DOK7: variants seen among roughly 807,000 people sequenced by gnomAD.
DOK7 encodes the protein docking protein 7, also known as protein Dok-7.
Under a neutral mutation model 30.7 loss-of-function variants are expected in DOK7, and 32 were observed. The observed-to-expected ratio is 1.04, with a 90% CI of 0.79 to 1.40. DOK7 has a LOEUF of 1.40. DOK7 is among the 40% of genes most tolerant of loss of function. The probability of loss-of-function intolerance (pLI) is 0.00; values close to 1 mark genes in which losing one functional copy is unlikely to be tolerated. For missense variants in DOK7, 1,007 were observed against 699.2 expected (o/e 1.44, Z -4.97); for synonymous variants, 447 against 324.1 (o/e 1.38, Z -4.07).
Position 3,494,065 on chromosome 4 carries a change from G to A in DOK7, c.*564G>A, listed in dbSNP as rs1577186025. ...GAAACTGAAGCTCAGGAGGCTGTGTGGCTTGCGGGGTCTCTGGGTTCTGGG... is the reference window on the plus strand; with the variant it reads ...GAAACTGAAGCTCAGGAGGCTGTGTAGCTTGCGGGGTCTCTGGGTTCTGGG... On this transcript the variant is annotated 3_prime_UTR_variant, in exon 7 of 7. Transcript: ENST00000340083. 1.0e-6 allele frequency: 1 copy of A among 987,080 alleles called. No homozygotes were observed. The highest frequency in any genetic ancestry group is 4.7e-5 in the South Asian group (1 of 21,354). 61.1% of individuals were successfully genotyped at this position (987,080 alleles called of 1,614,324 possible).
intron 3 of DOK7, among the ~76,000 whole-genome samples, chr4:3,476,003 G>A (rs887667816): frequency 6.6e-6 from 1 of 151,926 alleles, no homozygotes; most frequent in Non-Finnish European, 1.5e-5. Flanking sequence ...TCCTGCCGTC[G>A]CTGCCTCCCC....
chr4:3,493,238 C>T lies in DOK7; in HGVS notation c.1252C>T (p.His418Tyr), dbSNP rs776160407. 8 of 1,611,936 alleles carry T rather than the reference C, an allele frequency of 5.0e-6. No individual in the cohort carries two copies. The highest frequency in any genetic ancestry group is 4.2e-6 in the Non-Finnish European group (5 of 1,179,684). Residue 418 changes from histidine to tyrosine, a missense_variant, in exon 7 of 7, where the codon CAC (histidine) becomes TAC (tyrosine). Coordinates refer to ENST00000340083, the MANE Select transcript of DOK7 (RefSeq NM_173660.5). ...PRSLCLAPRD[H>Y]SPPSQGSPGN... ...CAGCCTTTGCCTGGCTCCTAGAGAC[C>T]ACAGCCCCCCCTCACAGGGCAGCCC...
intron 4 of DOK7, among the ~76,000 whole-genome samples, chr4:3,482,852 G>A (rs150605012): frequency 1.1e-4 from 16 of 152,182 alleles, no homozygotes; most frequent in South Asian, 2.1e-4. Flanking sequence ...GACCACAGAC[G>A]GCTTGTGCTC....
intron 6 of DOK7, among the ~76,000 whole-genome samples, chr4:3,490,110 CCATTCATTCCTTTTCTCCCTGCTCATT>C (rs1728134761): frequency 1.9e-5 from 1 of 52,736 alleles, no homozygotes; most frequent in Admixed American, 2.5e-4. Flanking sequence ...TTCTTCACCC[CCATTCATTCCTTTTCTCCCTGCTCATT>C]CATTCCTTCC....
downstream of DOK7, chr4:3,496,993 G>A: frequency 3.2e-6 from 3 of 941,334 alleles, no homozygotes; most frequent in Non-Finnish European, 4.7e-6. Flanking sequence ...AGCAGGGAAT[G>A]TGGGCAATGT....
intron 6 of DOK7, among the ~76,000 whole-genome samples, chr4:3,492,112 C>T (rs974385315): frequency 5.3e-5 from 8 of 152,186 alleles, no homozygotes; most frequent in African/African-American, 1.9e-4. Flanking sequence ...AGAGACGCAG[C>T]AGAGATGAAA....
At chr4:3,464,931 T>A (rs550915558) in intron 2 of DOK7, among the ~76,000 whole-genome samples, 47 of 152,246 alleles carry the variant, frequency 3.1e-4, no homozygotes, top group African/African-American at 9.9e-4. Context: ...ACATGGTGGC[T>A]CCCGAGCGTC....
chr4:3,486,770 G>A (rs993596957), intron 5 of DOK7, among the ~76,000 whole-genome samples: 3 of 152,126 alleles, frequency 2.0e-5, no homozygotes, highest in African/African-American at 4.8e-5. Flanking sequence ...CTGCAGGCAG[G>A]TGTGGATGGT....
downstream of DOK7, among the ~76,000 whole-genome samples, chr4:3,496,597 C>A (rs1037974455): frequency 6.6e-6 from 1 of 152,194 alleles, no homozygotes; most frequent in African/African-American, 2.4e-5. Flanking sequence ...TACCACCAGG[C>A]TGGGTGGTCA....
intron 5 of DOK7, among the ~76,000 whole-genome samples, chr4:3,489,212 G>A (rs962219048): frequency 4.6e-5 from 7 of 152,160 alleles, no homozygotes; most frequent in East Asian, 3.9e-4. Context: ...CCCAGGGAAC[G>A]GTGGGGACAC....
At chr4:3,481,015 GA>G (rs1472629764) in intron 4 of DOK7, among the ~76,000 whole-genome samples, 9 of 152,128 alleles carry the variant, frequency 5.9e-5, no homozygotes, top group Non-Finnish European at 1.2e-4. Flanking sequence ...GTAAGGGGTG[GA>G]GGGGGGTGAA....
rs763433291 is a variant in DOK7 at position 3,482,116 on chromosome 4, C to T, written c.533-3423C>T. On this transcript the variant is annotated intron_variant, in intron 4 of 6. Coordinates refer to ENST00000340083, the MANE Select transcript of DOK7 (RefSeq NM_173660.5). ...GGCTCCTATACAGCCCTTTGGGACA[C>T]CCGTTTGTGCTCAAAGATGTCTGAC... Among the ~76,000 whole-genome samples, 158 of 152,314 alleles carry T rather than the reference C, an allele frequency of 1.0e-3. 2 individuals are homozygous for T. The highest frequency in any genetic ancestry group is 1.7e-3 in the South Asian group (8 of 4,830).
chr4:3,494,310 T>C lies in DOK7; in HGVS notation c.*809T>C. ...TCAGCCCCTGCGTCGGAGGTGGGGC[T>C]GTGTTGGGCCCATTGTCCCCCGCCC... is the stretch of plus-strand genomic sequence containing the variant. On this transcript the variant is annotated 3_prime_UTR_variant, in exon 7 of 7. Transcript: ENST00000340083. The C allele has an allele frequency of 1.0e-6, 1 of 985,626 alleles. No homozygotes were observed. The highest frequency in any genetic ancestry group is 1.2e-6 in the Non-Finnish European group (1 of 830,074). The allele number at this position is 985,626 out of a possible 1,614,324, so 61.1% of individuals were successfully genotyped here. A position where few individuals can be genotyped will look rare whatever the true frequency, so the allele number is the denominator to read the frequency against.
rs766271319 is a variant in DOK7, at chr4:3,473,391, C to T, written c.101-15C>T. 4.3e-6 allele frequency: 7 copies of T among 1,610,172 alleles called. No homozygotes were observed. The highest frequency in any genetic ancestry group is 2.2e-5 in the South Asian group (2 of 90,916). On this transcript the variant is annotated splice_polypyrimidine_tract_variant and intron_variant, in intron 2 of 6. Transcript: ENST00000340083. Reference sequence around the variant, plus strand: ...CGGTGTTGGCTGGCGTCCCTGACGGCCACGCTCCTTGCAGACTGCCTGCTG... The same window carrying T: ...CGGTGTTGGCTGGCGTCCCTGACGGTCACGCTCCTTGCAGACTGCCTGCTG...
chr4:3,481,803 G>T (rs1050811013), intron 4 of DOK7, among the ~76,000 whole-genome samples: 3 of 152,194 alleles, frequency 2.0e-5, no homozygotes, highest in African/African-American at 7.2e-5. Context: ...GATCTAATTG[G>T]CTCATTAAAT....
chr4:3,495,429 G>T (rs116186951), downstream of DOK7, among the ~76,000 whole-genome samples: 1 of 152,228 alleles, frequency 6.6e-6, no homozygotes, highest in Admixed American at 6.5e-5. Flanking sequence ...ACCCCACAGC[G>T]GTGGCCTGGA....
At chr4:3,465,723 G>A (rs16844413) in intron 2 of DOK7, among the ~76,000 whole-genome samples, 4,108 of 152,312 alleles carry the variant, frequency 0.027, 174 homozygotes, top group African/African-American at 0.094. Context: ...CGTCTGCCTC[G>A]GTGTGGGACT....
At chr4:3,476,183 C>T (rs1206108650) in intron 3 of DOK7, among the ~76,000 whole-genome samples, 159 bp from the exon 4 acceptor site, 2 of 90,974 alleles carry the variant, frequency 2.2e-5, no homozygotes, top group African/African-American at 4.5e-5. Context: ...CGCCCACCCT[C>T]GATGCCCTCT....
At chr4:3,496,857 A>G, downstream of DOK7, 2 of 1,520,614 alleles carry the variant, frequency 1.3e-6, no homozygotes, top group Admixed American at 2.0e-5. Context: ...GCGACAGCAC[A>G]TTCAGGTAGG....
Sources: allele counts gnomAD v4.1 joint callset (sites outside exome capture counted in the v4.1 genomes callset), GRCh38; gene constraint gnomAD v4.1.1; transcripts MANE v1.5; gene names NCBI Gene and HGNC (gene_info 2026-07-23, HGNC 2026-07-21).